The following TCP10L variants were observed in gnomAD, a reference collection of about 807,000 sequenced individuals.
TCP10L encodes the protein t-complex 10 like.
TCP10L carries 11 observed loss-of-function variants against 19.2 expected under a neutral mutation model. The observed-to-expected ratio is 0.57, with a 90% CI of 0.36 to 0.95. TCP10L has a LOEUF of 0.95. Among genes scored for constraint, TCP10L ranks in the 40% least tolerant of loss-of-function variants. The pLI is 0.01. For missense variants in TCP10L, 247 were observed against 263.9 expected, an observed-to-expected ratio of 0.94 and a Z score of 0.44; for synonymous variants, 96 against 97.2, an observed-to-expected ratio of 0.99 and a Z score of 0.07.
Position 32,575,145 on chromosome 21 carries a change from G to C in TCP10L, c.*1629C>G, listed in dbSNP as rs2038416521. On this transcript the variant is annotated 3_prime_UTR_variant, in exon 5 of 5. Transcript: ENST00000300258. ...TGAGATGATGCCTGGAGGTTGCGGAGATACTAGCAGGTGTGTGTGAGAGGC... is the reference window on the plus strand; with the variant it reads ...TGAGATGATGCCTGGAGGTTGCGGACATACTAGCAGGTGTGTGTGAGAGGC... The C allele has an allele frequency of 6.6e-6, 1 of 152,406 alleles. No individual in the cohort carries two copies. The highest frequency in any genetic ancestry group is 2.1e-4 in the South Asian group (1 of 4,812). 9.4% of individuals were successfully genotyped at this position (152,406 alleles called of 1,614,324 possible).
chr21:32,584,220 C>G lies in TCP10L; in HGVS notation c.85G>C (p.Glu29Gln), dbSNP rs925391757. 1.2e-5 allele frequency: 19 copies of G among 1,614,148 alleles called. No homozygotes were observed. The highest frequency in any genetic ancestry group is 1.5e-5 in the Non-Finnish European group (18 of 1,180,010). ...DPCPGAGAVM[E>Q]KTAVAAEVLT... is the part of the protein sequence containing the mutation. ...ACCTCGGCTGCCACAGCTGTCTTCT[C>G]CATGACAGCCCCAGCTCCTGGGCAC... Residue 29 changes from glutamate (E) to glutamine (Q), a missense_variant, in exon 2 of 5, where the codon GAG (glutamate) becomes CAG (glutamine). Transcript: ENST00000300258.
chr21:32,585,237 C>T (rs897286374), intron 1 of TCP10L, among the ~76,000 whole-genome samples, 184 bp downstream of exon 1: 1 of 152,188 alleles, frequency 6.6e-6, no homozygotes, highest in Non-Finnish European at 1.5e-5. Flanking sequence ...ATTCCTTCCC[C>T]GCGGAGACTG....
rs142177455 is a variant in TCP10L, at chr21:32,582,292, G to A, written c.268C>T (p.Arg90Ter). The change falls in exon 3 of 5, where the codon CGA becomes TGA. Residue 90 changes from arginine (R) to a stop codon, truncating the protein, a stop_gained. Transcript: ENST00000300258. LOFTEE classifies it high-confidence loss of function. This position sits in a 1 kb window ranked among gnomAD's most constrained non-coding sequence, Gnocchi z 4.2. Reference protein sequence around the residue: ...DALREQNMELREKLRALQLQR... With the variant: ...DALREQNMEL ...AGCTGCAGAGCTCTCAGCTTTTCTC[G>A]GAGCTCCATGTTCTGCTCCCTCAAA... is the stretch of plus-strand genomic sequence containing the variant. The A allele has an allele frequency of 6.4e-5, 104 of 1,614,068 alleles. No individual in the cohort carries two copies. The African/African-American group carries it at 7.5e-4, about 12-fold the overall frequency.
chr21:32,576,259 G>C lies in TCP10L; in HGVS notation c.*515C>G. ...CTGCTCCTGCAGCATGGCGGCCTGG[G>C]AAGCCTGCACTGGTGATTTTCTGCC... is the stretch of plus-strand genomic sequence containing the variant. On this transcript the variant is annotated 3_prime_UTR_variant, in exon 5 of 5. Transcript: ENST00000300258. 1 of 1,573,122 alleles carries C rather than the reference G, an allele frequency of 6.4e-7. No homozygotes were observed. The highest frequency in any genetic ancestry group is 1.1e-5 in the South Asian group (1 of 87,850).
At position 32,578,404 on chromosome 21, in the gene TCP10L, C is replaced by A. The variant is rs945607889; in HGVS notation, c.498+290G>T. Among the ~76,000 whole-genome samples, 1 of 152,258 alleles carries A rather than the reference C, an allele frequency of 6.6e-6. No individual in the cohort carries two copies. Among genetic ancestry groups the A allele is most frequent in the Admixed American group, 6.5e-5 (1 of 15,290 alleles). Reference sequence around the variant, plus strand: ...ACATCACCTCCGCAGCCTGCACCCACGGAAACAAAGCCCCCAAGTCCCCTC... The same window carrying A: ...ACATCACCTCCGCAGCCTGCACCCAAGGAAACAAAGCCCCCAAGTCCCCTC... On this transcript the variant is annotated intron_variant, in intron 4 of 4. Coordinates refer to ENST00000300258, the MANE Select transcript of TCP10L (RefSeq NM_144659.7). The surrounding 1 kb of genome is among the most constrained non-coding windows in gnomAD (Gnocchi z 4.2).
Position 32,582,419 on chromosome 21 carries a change from T to C in TCP10L, c.145-4A>G. 3.1e-6 allele frequency: 5 copies of C among 1,609,578 alleles called. No homozygotes were observed. Among genetic ancestry groups the C allele is most frequent in the Non-Finnish European group, 4.2e-6 (5 of 1,178,808 alleles). The stretch of plus-strand genomic sequence containing the variant: ...TGATGATCTGCTGCTGTAATGGCTG[T>C]TATTGGGAAGAGAACACCAGAAAAA... On this transcript the variant is annotated splice_region_variant and splice_polypyrimidine_tract_variant and intron_variant, in intron 2 of 4. Transcript: ENST00000300258. The surrounding 1 kb of genome is among the most constrained non-coding windows in gnomAD (Gnocchi z 4.2).
In TCP10L at chr21:32,576,373, G is replaced by C; in HGVS notation, c.*401C>G. On this transcript the variant is annotated 3_prime_UTR_variant, in exon 5 of 5. Coordinates refer to ENST00000300258, the MANE Select transcript of TCP10L (RefSeq NM_144659.7). The stretch of plus-strand genomic sequence containing the variant: ...CGCCTTGTCACAAGGTCCCTGGAGC[G>C]GGCAATGCCTTGAGCCCAAAGGCTG... The C allele has an allele frequency of 8.1e-7, 1 of 1,233,982 alleles. No homozygotes were observed. Among genetic ancestry groups the C allele is most frequent in the Non-Finnish European group, 1.1e-6 (1 of 881,932 alleles). The allele number at this position is 1,233,982 out of a possible 1,614,324, so 76.4% of individuals were successfully genotyped here.
rs2038430181 is a variant in TCP10L at position 32,576,088 on chromosome 21, C to T, written c.*686G>A. On this transcript the variant is annotated 3_prime_UTR_variant, in exon 5 of 5. Transcript: ENST00000300258. Reference sequence around the variant, plus strand: ...GAGGGAATCAGACAAAAAGTGGCCACAAATTAGGCAGCTCCAGGAAGGACA... The same window carrying T: ...GAGGGAATCAGACAAAAAGTGGCCATAAATTAGGCAGCTCCAGGAAGGACA... 1 of 573,934 alleles carries T rather than the reference C, an allele frequency of 1.7e-6. No individual in the cohort carries two copies. The highest frequency in any genetic ancestry group is 2.8e-5 in the South Asian group (1 of 36,222). 35.6% of individuals were successfully genotyped at this position (573,934 alleles called of 1,614,324 possible). A position where few individuals can be genotyped will look rare whatever the true frequency, so the allele number is the denominator to read the frequency against.
At chr21:32,583,024 C>CTT (rs59972145) in intron 2 of TCP10L, among the ~76,000 whole-genome samples, 1,108 of 94,746 alleles carry the variant, frequency 0.012, 144 homozygotes, top group African/African-American at 0.024. Flanking sequence ...CATTCTTTTC[C>CTT]TTTTTTTTTT....
At chr21:32,583,472 C>CCGTGGGACTA (rs2038520136) in intron 2 of TCP10L, among the ~76,000 whole-genome samples, 1 of 150,670 alleles carries the variant, frequency 6.6e-6, no homozygotes, top group African/African-American at 2.4e-5. Context: ...GCCTGTAGTC[C>CCGTGGGACTA]CAGCTACGTG....
chr21:32,584,415 G>T (rs568198229), intron 1 of TCP10L, 110 bp from the exon 2 acceptor site: 16 of 1,418,362 alleles, frequency 1.1e-5, no homozygotes, highest in Middle Eastern at 2.2e-4. Flanking sequence ...ACCCGCAGCC[G>T]CTCCTTCTCC....
chr21:32,583,024 C>CTTTTTTTTTTT (rs59972145), intron 2 of TCP10L, among the ~76,000 whole-genome samples: 2 of 94,814 alleles, frequency 2.1e-5, no homozygotes, highest in Non-Finnish European at 2.1e-5. Flanking sequence ...CATTCTTTTC[C>CTTTTTTTTTTT]TTTTTTTTTT....
In TCP10L at chr21:32,576,785, C is replaced by A. The variant is rs777788762; in HGVS notation, c.637G>T (p.Gly213Trp). 6.2e-7 allele frequency: 1 copy of A among 1,613,478 alleles called. No individual in the cohort carries two copies. The highest frequency in any genetic ancestry group is 1.7e-5 in the Admixed American group (1 of 59,896). Residue 213 changes from glycine to tryptophan, a missense_variant, in exon 5 of 5, where the codon GGG (glycine) becomes TGG (tryptophan). Coordinates refer to ENST00000300258, the MANE Select transcript of TCP10L (RefSeq NM_144659.7). ...GRPTPCAERR[G>W]GV ...CCACCTTTCCATCTTCAGACACCCC[C>A]CCGTCTCTCTGCACAGGGAGTTGGC...
At chr21:32,584,602 T>C (rs1163903938) in intron 1 of TCP10L, among the ~76,000 whole-genome samples, 4 of 151,824 alleles carry the variant, frequency 2.6e-5, no homozygotes, top group African/African-American at 4.8e-5. Context: ...GGGGTGTGAG[T>C]GGGGTGTGAG....
At chr21:32,585,361 C>A (rs187529962) in intron 1 of TCP10L, 60 bp downstream of exon 1, 20 of 223,036 alleles carry the variant, frequency 9.0e-5, no homozygotes, top group Admixed American at 6.5e-4. Flanking sequence ...AAACTCATGA[C>A]CCCCTCAGTC....
chr21:32,577,913 A>C (rs1438410749), intron 4 of TCP10L, among the ~76,000 whole-genome samples: 1 of 152,194 alleles, frequency 6.6e-6, no homozygotes, highest in Non-Finnish European at 1.5e-5. Context: ...ATTAACTAAA[A>C]GTATTCCTTA....
Position 32,584,289 on chromosome 21 carries a change from G to A in TCP10L, c.16C>T (p.Leu6Phe), listed in dbSNP as rs2038533712. The change falls in exon 2 of 5, where the codon CTC becomes TTC. Residue 6 changes from leucine (L) to phenylalanine (F), a missense_variant. Transcript: ENST00000300258. ...CCCTCTTTGGGGTCCCTGGCCTCGA[G>A]TTGACCTGCCAGCATCCTGGTTGGG... Reference protein sequence around the residue: MLAGQLEARDPKEGTH... With the variant: MLAGQFEARDPKEGTH... 1.2e-6 allele frequency: 2 copies of A among 1,613,778 alleles called. No homozygotes were observed. Among genetic ancestry groups the A allele is most frequent in the Non-Finnish European group, 1.7e-6 (2 of 1,179,844 alleles).
chr21:32,584,431 G>A, intron 1 of TCP10L, 126 bp from the exon 2 acceptor site: 1 of 1,360,106 alleles, frequency 7.4e-7, no homozygotes, highest in Non-Finnish European at 9.7e-7. Flanking sequence ...TCTCCCCCTG[G>A]GTCATGTGCA....
Position 32,576,570 on chromosome 21 carries a change from G to A in TCP10L, c.*204C>T. On this transcript the variant is annotated 3_prime_UTR_variant, in exon 5 of 5. Transcript: ENST00000300258. ...TGATTTATAAAACCCAATCCAAGTT[G>A]TTTGCTTTTATAGCATTAGAGACAT... The A allele has an allele frequency of 3.2e-6, 2 of 634,762 alleles. No individual in the cohort carries two copies. The highest frequency in any genetic ancestry group is 2.6e-6 in the Non-Finnish European group (1 of 377,416). The allele number at this position is 634,762 out of a possible 1,614,324, so 39.3% of individuals were successfully genotyped here.
Sources: gnomAD v4.1 joint callset for allele counts (sites outside exome capture counted in the v4.1 genomes callset) on GRCh38, gnomAD v4.1.1 for gene constraint, Gnocchi (gnomAD v3.1) non-coding constraint, MANE v1.5 for transcripts, NCBI Gene and HGNC (gene_info 2026-07-23, HGNC 2026-07-21) for gene names.